Variants in ABCG8 observed in about 807,000 individuals in gnomAD.
ABCG8 encodes ATP-binding cassette sub-family G member 8.
Under a neutral mutation model 71.3 loss-of-function variants are expected in ABCG8, and 81 were observed. That is an observed-to-expected ratio of 1.14 (90% CI 0.95 to 1.37). The LOEUF is 1.37. ABCG8 is among the 40% of genes most tolerant of loss of function. The probability of loss-of-function intolerance (pLI) is 0.00; values close to 1 mark genes in which losing one functional copy is unlikely to be tolerated. For synonymous variants in ABCG8, 451 were observed against 354.7 expected (o/e 1.27, Z -3.05); for missense variants, 1,119 against 866.2 (o/e 1.29, Z -3.66).
rs756992294 is a variant in ABCG8, at chr2:43,872,146, G to T, written c.1127+8G>T. The T allele has an allele frequency of 1.2e-6, 2 of 1,613,964 alleles. No homozygotes were observed. The highest frequency in any genetic ancestry group is 2.7e-5 in the African/African-American group (2 of 74,908). On this transcript the variant is annotated splice_region_variant and intron_variant, in intron 7 of 12. Transcript: ENST00000272286. ...GGACACCTGTGTGGAAAGGTAAGGT[G>T]GCAGGCGACTCTGAGAGGAGAGCTC... is the stretch of plus-strand genomic sequence containing the variant.
intron 11 of ABCG8, 61 bp downstream of exon 11, chr2:43,875,474 C>A: frequency 1.3e-6 from 2 of 1,569,722 alleles, no homozygotes; most frequent in Non-Finnish European, 1.7e-6. Flanking sequence ...TGGATGAAGC[C>A]TGCTTTCATC....
chr2:43,873,773 T>G lies in ABCG8; in HGVS notation c.1212-14T>G, dbSNP rs763267076. ...ATGCTGTTGCCTCAGCATCTCTTCC[T>G]TTTGGTTTTTAAGTCGTCAGATTTC... On this transcript the variant is annotated splice_polypyrimidine_tract_variant and intron_variant, in intron 8 of 12. Coordinates refer to ENST00000272286, the MANE Select transcript of ABCG8 (RefSeq NM_022437.3). 52 of 1,613,836 alleles carry G rather than the reference T, an allele frequency of 3.2e-5. No homozygotes were observed. Among genetic ancestry groups the G allele is most frequent in the Admixed American group, 5.0e-5 (3 of 60,012 alleles).
At chr2:43,873,762 G>A (rs770324159) in intron 8 of ABCG8, 25 bp from the exon 9 acceptor site, 7 of 1,613,030 alleles carry the variant, frequency 4.3e-6, no homozygotes, top group Admixed American at 1.7e-5. Flanking sequence ...TGTTGCCTCA[G>A]CATCTCTTCC....
At position 43,877,750 on chromosome 2, in the gene ABCG8, A is replaced by C. The variant is rs748591066; in HGVS notation, c.1885-26A>C. 4.3e-6 allele frequency: 7 copies of C among 1,614,060 alleles called. No individual in the cohort carries two copies. In the South Asian group the frequency reaches 7.7e-5, roughly 18 times the overall value. The stretch of plus-strand genomic sequence containing the variant: ...CGTCCGGCTTTCCATCCTCCTCATG[A>C]GCCCACTGCATGTCTGTGTCTCCAG... On this transcript the variant is annotated intron_variant, in intron 12 of 12. Transcript: ENST00000272286.
intron 6 of ABCG8, among the ~76,000 whole-genome samples, chr2:43,853,206 G>T (rs1008078427): frequency 6.6e-6 from 1 of 152,192 alleles, no homozygotes; most frequent in African/African-American, 2.4e-5. Flanking sequence ...AACCTTTAAG[G>T]TCAAGAAGTC....
In ABCG8 at chr2:43,875,249, A is replaced by T; in HGVS notation, c.1592A>T (p.His531Leu). 6.2e-7 allele frequency: 1 copy of T among 1,614,182 alleles called. No homozygotes were observed. Among genetic ancestry groups the T allele is most frequent in the Non-Finnish European group, 8.5e-7 (1 of 1,180,030 alleles). ...LRPGLQPFLLHFLLVWLVVFC... is the reference protein window; with the variant it reads ...LRPGLQPFLLLFLLVWLVVFC... ...CCAGGCCTCCAGCCCTTCCTGCTGCACTTCCTGCTGGTGTGGCTGGTGGTC... is the reference window on the plus strand; with the variant it reads ...CCAGGCCTCCAGCCCTTCCTGCTGCTCTTCCTGCTGGTGTGGCTGGTGGTC... The change falls in exon 11 of 13, where the codon CAC becomes CTC. Residue 531 changes from histidine (H) to leucine (L), a missense_variant. Physicochemically the swap from His to Leu is moderately conservative, Grantham distance 99. Transcript: ENST00000272286.
rs969519222 is a variant in ABCG8, at chr2:43,878,125, A to C, written c.*212A>C. The C allele has an allele frequency of 1.2e-5, 8 of 665,392 alleles. No homozygotes were observed. Among genetic ancestry groups the C allele is most frequent in the Admixed American group, 2.6e-5 (1 of 38,352 alleles). The allele number at this position is 665,392 out of a possible 1,614,324, so 41.2% of individuals were successfully genotyped here. A position where few individuals can be genotyped will look rare whatever the true frequency, so the allele number is the denominator to read the frequency against. Reference sequence around the variant, plus strand: ...AGGGATTTCTGCTCACTGGCAGGAGACTGCGATGACTGGGAGAAAACCTGC... The same window carrying C: ...AGGGATTTCTGCTCACTGGCAGGAGCCTGCGATGACTGGGAGAAAACCTGC... On this transcript the variant is annotated 3_prime_UTR_variant, in exon 13 of 13. Coordinates refer to ENST00000272286, the MANE Select transcript of ABCG8 (RefSeq NM_022437.3).
At chr2:43,839,903 C>G (rs554308589) in intron 1 of ABCG8, among the ~76,000 whole-genome samples, 25 of 152,234 alleles carry the variant, frequency 1.6e-4, no homozygotes, top group African/African-American at 6.0e-4. Flanking sequence ...AACAGGCAAT[C>G]GTAAGTTCTG....
intron 4 of ABCG8, 108 bp from the exon 5 acceptor site, chr2:43,852,246 A>T: frequency 6.6e-7 from 1 of 1,506,144 alleles, no homozygotes; most frequent in Non-Finnish European, 9.1e-7. Flanking sequence ...GTCTCCCTTC[A>T]CTTTCAAACC....
Position 43,852,630 on chromosome 2 carries a change from G to A in ABCG8, c.726G>A (p.Gly242=), listed in dbSNP as rs1331614809. The A allele has an allele frequency of 1.2e-6, 2 of 1,614,122 alleles. No individual in the cohort carries two copies. Among genetic ancestry groups the A allele is most frequent in the South Asian group, 1.1e-5 (1 of 91,084 alleles). Residue 242 remains glycine (G), a synonymous_variant, in exon 6 of 13, where the codon GGG becomes GGA. Transcript: ENST00000272286. ...TTATTCTCGACGAACCCACCTCTGG[G>A]CTCGACAGCTTCACAGCCCACAACC... is the stretch of plus-strand genomic sequence containing the variant. The part of the protein sequence containing the change: ...GILILDEPTS[G]LDSFTAHNLV...
At chr2:43,867,438 G>A (rs1001779701) in intron 6 of ABCG8, among the ~76,000 whole-genome samples, 2 of 151,270 alleles carry the variant, frequency 1.3e-5, no homozygotes, top group Non-Finnish European at 2.9e-5. Flanking sequence ...TCTCTATCTG[G>A]ATAGAATTCT....
intron 4 of ABCG8, 123 bp from the exon 5 acceptor site, chr2:43,852,231 G>C: frequency 2.2e-6 from 3 of 1,356,918 alleles, no homozygotes. Context: ...TCAAGTGCTG[G>C]AGCTGTCTCC....
At chr2:43,865,391 A>G (rs928010025) in intron 6 of ABCG8, among the ~76,000 whole-genome samples, 3 of 147,476 alleles carry the variant, frequency 2.0e-5, no homozygotes, top group Non-Finnish European at 4.5e-5. Flanking sequence ...TCACATCTGC[A>G]TGGAACTCTC....
At chr2:43,856,999 C>T (rs941024378) in intron 6 of ABCG8, among the ~76,000 whole-genome samples, 2 of 151,874 alleles carry the variant, frequency 1.3e-5, no homozygotes, top group Admixed American at 1.3e-4. Flanking sequence ...GGATAGAACT[C>T]GCACTATCTA....
intron 1 of ABCG8, among the ~76,000 whole-genome samples, chr2:43,839,683 A>T (rs1006077728): frequency 1.3e-5 from 2 of 151,668 alleles, no homozygotes; most frequent in Non-Finnish European, 2.9e-5. Flanking sequence ...CGGCCTCCCA[A>T]AGTGCTGGGA....
chr2:43,869,104 A>G (rs1020665424), intron 6 of ABCG8, among the ~76,000 whole-genome samples: 1 of 151,020 alleles, frequency 6.6e-6, no homozygotes, highest in African/African-American at 2.5e-5. Flanking sequence ...TTGATCTCTC[A>G]CTATCTATCT....
chr2:43,874,461 C>T lies in ABCG8; in HGVS notation c.1466C>T (p.Thr489Ile). ...YYELEDGLYTTGPYFFAKILG... is the reference protein window; with the variant it reads ...YYELEDGLYTIGPYFFAKILG... Reference sequence around the variant, plus strand: ...GAACTGGAAGACGGGCTGTACACCACTGGTCCATATTTCTTTGCCAAGGTG... The same window carrying T: ...GAACTGGAAGACGGGCTGTACACCATTGGTCCATATTTCTTTGCCAAGGTG... Residue 489 changes from threonine to isoleucine, a missense_variant, in exon 10 of 13, where the codon ACT (threonine) becomes ATT (isoleucine). Physicochemically the swap from Thr to Ile is moderately conservative, Grantham distance 89. Transcript: ENST00000272286. 6.2e-7 allele frequency: 1 copy of T among 1,613,838 alleles called. No individual in the cohort carries two copies.
At chr2:43,851,521 G>T in intron 3 of ABCG8, 63 bp from the exon 4 acceptor site, 1 of 1,577,578 alleles carries the variant, frequency 6.3e-7, no homozygotes, top group Non-Finnish European at 8.7e-7. Context: ...ATGGGGAGCA[G>T]TGGCTGACAG....
intron 11 of ABCG8, among the ~76,000 whole-genome samples, chr2:43,875,824 G>A (rs1219606949): frequency 6.6e-6 from 1 of 151,958 alleles, no homozygotes; most frequent in Non-Finnish European, 1.5e-5. Flanking sequence ...GCCACGCAGA[G>A]TGAGCTTTCC....
Sources: gnomAD v4.1 joint callset for allele counts (sites outside exome capture counted in the v4.1 genomes callset) on GRCh38, gnomAD v4.1.1 for gene constraint, MANE v1.5 for transcripts, NCBI Gene and HGNC (gene_info 2026-07-23, HGNC 2026-07-21) for gene names.